The following EBF2 variants were observed in gnomAD, a reference collection of about 807,000 sequenced individuals.
The protein encoded by EBF2 is transcription factor COE2.
EBF2 carries 21 observed loss-of-function variants against 72.8 expected under a neutral mutation model. The observed-to-expected ratio is 0.29, with a 90% CI of 0.20 to 0.42. The LOEUF (loss-of-function observed/expected upper bound fraction) is 0.42. Among genes scored for constraint, EBF2 ranks in the 10% least tolerant of loss-of-function variants. The probability of loss-of-function intolerance (pLI) is 1.00; values close to 1 mark genes in which losing one functional copy is unlikely to be tolerated. For missense variants in EBF2, 637 were observed against 731.2 expected (o/e 0.87, Z 1.49); for synonymous variants, 299 against 274.2 (o/e 1.09, Z -0.89).
At chr8:25,966,494 G>C (rs1415800758) in intron 6 of EBF2, among the ~76,000 whole-genome samples, 1 of 152,158 alleles carries the variant, frequency 6.6e-6, no homozygotes. Context: ...AGAAAGAAAC[G>C]GAACTGTAGA....
intron 10 of EBF2, among the ~76,000 whole-genome samples, chr8:25,870,706 TC>T (rs1315372696): frequency 1.3e-5 from 2 of 152,070 alleles, no homozygotes; most frequent in Non-Finnish European, 1.5e-5. Context: ...TGCCCTCCCC[TC>T]CCCAGCTCCC....
At chr8:25,992,333 C>CAA (rs36020598) in intron 6 of EBF2, among the ~76,000 whole-genome samples, 3,959 of 51,170 alleles carry the variant, frequency 0.077, 344 homozygotes, top group African/African-American at 0.087. Context: ...GACTCTGTCT[C>CAA]AAAAAAAAAA....
At chr8:25,887,993 A>C (rs764438941) in intron 8 of EBF2, 21 bp from the exon 9 acceptor site, 2 of 1,592,266 alleles carry the variant, frequency 1.3e-6, no homozygotes, top group South Asian at 2.3e-5. Flanking sequence ...AGGAAAGAAA[A>C]AGTCAGGTTT....
intron 6 of EBF2, among the ~76,000 whole-genome samples, chr8:26,009,961 G>T (rs1260020880): frequency 6.6e-6 from 1 of 152,164 alleles, no homozygotes; most frequent in African/African-American, 2.4e-5. Context: ...CCATTGGCTC[G>T]AACTCCTATT....
intron 6 of EBF2, among the ~76,000 whole-genome samples, chr8:26,018,496 CAAAA>C (rs10555042): frequency 2.2e-4 from 18 of 81,616 alleles, no homozygotes; most frequent in African/African-American, 8.6e-4. Flanking sequence ...ACTAAAAATA[CAAAA>C]AAAAAAAAAA....
intron 6 of EBF2, among the ~76,000 whole-genome samples, chr8:25,925,025 G>A (rs567200584): frequency 1.3e-5 from 2 of 152,168 alleles, no homozygotes; most frequent in Admixed American, 6.5e-5. Flanking sequence ...TTGGTCCTGG[G>A]GAGACAGTCT....
At chr8:25,870,177 A>G (rs1279080282) in intron 10 of EBF2, among the ~76,000 whole-genome samples, 1 of 152,174 alleles carries the variant, frequency 6.6e-6, no homozygotes, top group Non-Finnish European at 1.5e-5. Flanking sequence ...TAGCAAACAC[A>G]AACAGCTGCC....
intron 10 of EBF2, among the ~76,000 whole-genome samples, chr8:25,873,215 T>C (rs527245104): frequency 1.8e-4 from 28 of 152,348 alleles, no homozygotes; most frequent in African/African-American, 6.7e-4. Context: ...TTCCCAACAC[T>C]AACAAATGAC....
chr8:25,993,539 T>C (rs1332570946), intron 6 of EBF2, among the ~76,000 whole-genome samples: 1 of 152,228 alleles, frequency 6.6e-6, no homozygotes, highest in African/African-American at 2.4e-5. Flanking sequence ...TTCCTTTTTA[T>C]GTCTTTGTAA....
At chr8:25,908,651 A>G (rs1327114332) in intron 6 of EBF2, 96 bp from the exon 7 acceptor site, 4 of 843,052 alleles carry the variant, frequency 4.7e-6, no homozygotes, top group Non-Finnish European at 7.6e-6. Flanking sequence ...CAGCGATTCT[A>G]TTTCAGATCT....
intron 6 of EBF2, among the ~76,000 whole-genome samples, chr8:25,974,633 G>T (rs1380908956): frequency 6.6e-6 from 1 of 152,128 alleles, no homozygotes; most frequent in Non-Finnish European, 1.5e-5. Flanking sequence ...ATTTTAGTTA[G>T]TATTTTAAAA....
chr8:25,969,638 G>GTTGTATTAT (rs1804161893), intron 6 of EBF2, among the ~76,000 whole-genome samples: 1 of 152,168 alleles, frequency 6.6e-6, no homozygotes, highest in Non-Finnish European at 1.5e-5. Flanking sequence ...TAAATTTATC[G>GTTGTATTAT]TTGTATTATT....
intron 15 of EBF2, among the ~76,000 whole-genome samples, chr8:25,845,177 T>A (rs1382333993): frequency 6.6e-6 from 1 of 152,160 alleles, no homozygotes; most frequent in African/African-American, 2.4e-5. Flanking sequence ...TCATGTCTGA[T>A]GCTCATTGCA....
rs1043953276 is a variant in EBF2, at chr8:26,045,362, G to C, written c.-503C>G. 6.6e-6 allele frequency: 1 copy of C among 152,340 alleles called. No homozygotes were observed. Among genetic ancestry groups the C allele is most frequent in the Non-Finnish European group, 1.5e-5 (1 of 68,158 alleles). The allele number at this position is 152,340 out of a possible 1,614,324, so 9.4% of individuals were successfully genotyped here. On this transcript the variant is annotated 5_prime_UTR_variant, in exon 1 of 16. Transcript: ENST00000520164. The stretch of plus-strand genomic sequence containing the variant: ...AGGAGGCGGTGGCTGCGAGCGCCAC[G>C]GAGCCCGGCTGCAGCCGCGCGCGGG...
intron 6 of EBF2, among the ~76,000 whole-genome samples, chr8:26,021,860 C>G (rs1805207995): frequency 6.6e-6 from 1 of 152,188 alleles, no homozygotes; most frequent in Non-Finnish European, 1.5e-5. Context: ...CCAAATTTTA[C>G]TGTGGTTATT....
At chr8:25,863,218 C>T (rs1461688376) in intron 10 of EBF2, among the ~76,000 whole-genome samples, 2 of 152,206 alleles carry the variant, frequency 1.3e-5, no homozygotes, top group East Asian at 1.9e-4. Flanking sequence ...TAACCAGTCT[C>T]TTATGTATAT....
chr8:25,996,235 C>T (rs1057162975), intron 6 of EBF2, among the ~76,000 whole-genome samples: 1 of 148,208 alleles, frequency 6.7e-6, no homozygotes, highest in African/African-American at 2.5e-5. Context: ...GTGAAGGTTG[C>T]AGTGAGCCAA....
In EBF2 at chr8:25,889,792, G is replaced by A; in HGVS notation, c.711C>T (p.Ser237=). Residue 237 remains serine (S), a synonymous_variant, in exon 8 of 16, where the codon TCC becomes TCT. Coordinates refer to ENST00000520164, the MANE Select transcript of EBF2 (RefSeq NM_022659.4). The part of the protein sequence containing the change: ...VSDNMFVHNN[S]KHGRRARRLD... Reference sequence around the variant, plus strand: ...GTCTTCTTGCTCTCCGTCCATGCTTGGAGTTGTTATGAACAAACATGTTGT... The same window carrying A: ...GTCTTCTTGCTCTCCGTCCATGCTTAGAGTTGTTATGAACAAACATGTTGT... The A allele has an allele frequency of 6.2e-7, 1 of 1,614,004 alleles. No homozygotes were observed. The highest frequency in any genetic ancestry group is 8.5e-7 in the Non-Finnish European group (1 of 1,179,972).
chr8:26,017,577 C>T (rs1805131686), intron 6 of EBF2, among the ~76,000 whole-genome samples: 2 of 152,044 alleles, frequency 1.3e-5, no homozygotes, highest in South Asian at 4.2e-4. Flanking sequence ...ATGTGGGCAG[C>T]CAGCCCTCAT....
Sources: gnomAD v4.1 joint callset for allele counts (sites outside exome capture counted in the v4.1 genomes callset) on GRCh38, gnomAD v4.1.1 for gene constraint, MANE v1.5 for transcripts, NCBI Gene and HGNC (gene_info 2026-07-23, HGNC 2026-07-21) for gene names.